Variants in ROBO2 observed in about 807,000 individuals in gnomAD.
ROBO2 encodes roundabout guidance receptor 2, also known as roundabout homolog 2.
ROBO2 carries 53 observed loss-of-function variants against 160.8 expected under a neutral mutation model. That is an observed-to-expected ratio of 0.33 (90% CI 0.26 to 0.41). The LOEUF (loss-of-function observed/expected upper bound fraction) is 0.41, where lower values mean the gene tolerates loss of function less well. ROBO2 is among the 10% of genes least tolerant of loss of function. ROBO2 has a pLI of 1.00. For missense variants in ROBO2, 1,577 were observed against 1,722.4 expected (o/e 0.92, Z 1.49); for synonymous variants, 664 against 611.7 (o/e 1.09, Z -1.26).
intron 2 of ROBO2, among the ~76,000 whole-genome samples, chr3:76,252,142 A>G (rs143820155): frequency 2.8e-4 from 42 of 152,128 alleles, no homozygotes; most frequent in African/African-American, 9.9e-4. Flanking sequence ...TTTAATACCA[A>G]ATTTAATCAC....
intron 2 of ROBO2, among the ~76,000 whole-genome samples, chr3:75,950,659 T>G (rs1361014684): frequency 6.6e-6 from 1 of 152,016 alleles, no homozygotes; most frequent in Non-Finnish European, 1.5e-5. Context: ...AACAAATTGA[T>G]TCCAGTTGGG....
At chr3:76,423,269 T>G (rs1241821079) in intron 2 of ROBO2, among the ~76,000 whole-genome samples, 1 of 152,154 alleles carries the variant, frequency 6.6e-6, no homozygotes, top group African/African-American at 2.4e-5. Flanking sequence ...TGAGAAGCGC[T>G]CCATAACTAG....
chr3:77,431,241 C>T (rs973056273), intron 2 of ROBO2, among the ~76,000 whole-genome samples: 4 of 152,062 alleles, frequency 2.6e-5, no homozygotes, highest in Admixed American at 6.5e-5. Context: ...ATCCTCAAAA[C>T]AATCAATGGG....
chr3:76,473,741 AC>A (rs1351135993), intron 2 of ROBO2, among the ~76,000 whole-genome samples: 2 of 152,186 alleles, frequency 1.3e-5, no homozygotes, highest in Non-Finnish European at 1.5e-5. Flanking sequence ...ACAACAAGCA[AC>A]ACAGGTAAAA....
intron 6 of ROBO2, among the ~76,000 whole-genome samples, chr3:77,543,619 G>A (rs2092575835): frequency 6.6e-6 from 1 of 152,160 alleles, no homozygotes; most frequent in South Asian, 2.1e-4. Context: ...TTTAGTGATA[G>A]AGATTTGTAA....
chr3:76,511,584 C>T (rs978079646), intron 2 of ROBO2, among the ~76,000 whole-genome samples: 13 of 152,106 alleles, frequency 8.5e-5, no homozygotes, highest in East Asian at 3.9e-4. Context: ...TACTAGCCTC[C>T]GTGAACAGAG....
chr3:76,359,062 T>G (rs569036358), intron 2 of ROBO2, among the ~76,000 whole-genome samples: 7 of 151,738 alleles, frequency 4.6e-5, no homozygotes, highest in African/African-American at 1.4e-4. Context: ...TGAGAATGAT[T>G]ATTTCCAATT....
At chr3:77,110,992 C>T (rs2073505829) in intron 2 of ROBO2, among the ~76,000 whole-genome samples, 2 of 152,078 alleles carry the variant, frequency 1.3e-5, no homozygotes, top group South Asian at 4.1e-4. Context: ...TTGGGCCTGA[C>T]TTAAAACTAT....
chr3:77,086,723 A>T (rs1478769983), intron 1 of ROBO2, among the ~76,000 whole-genome samples: 1 of 152,146 alleles, frequency 6.6e-6, no homozygotes, highest in Non-Finnish European at 1.5e-5. Flanking sequence ...CATCCCTTGG[A>T]CATGATGCAA....
In ROBO2 at chr3:77,506,777, A is replaced by AT. The variant is rs570712457; in HGVS notation, c.806+13401dup. ...CAAGTAGTTATTTTATGTAATTTTT[A>AT]TTTTTTGTTTTTAATGTTAGGGCAA... is the stretch of plus-strand genomic sequence containing the variant. On this transcript the variant is annotated intron_variant, in intron 5 of 25. Coordinates refer to ENST00000461745, the Ensembl canonical transcript of ROBO2. Among the ~76,000 whole-genome samples, 17 of 152,218 alleles carry AT rather than the reference A, an allele frequency of 1.1e-4. No individual in the cohort carries two copies. The South Asian group carries it at 3.3e-3, about 30-fold the overall frequency.
intron 2 of ROBO2, among the ~76,000 whole-genome samples, chr3:76,204,869 A>G (rs569483971): frequency 6.6e-6 from 1 of 152,332 alleles, no homozygotes; most frequent in African/African-American, 2.4e-5. Context: ...ATTTTATTAA[A>G]GATTTGTTTT....
At chr3:77,449,889 C>T (rs2080947213) in intron 2 of ROBO2, among the ~76,000 whole-genome samples, 1 of 152,094 alleles carries the variant, frequency 6.6e-6, no homozygotes, top group Non-Finnish European at 1.5e-5. Flanking sequence ...CACAGACCTT[C>T]TTGCGATGCA....
chr3:77,045,598 A>G (rs2064569463), intron 1 of ROBO2, among the ~76,000 whole-genome samples: 1 of 152,212 alleles, frequency 6.6e-6, no homozygotes. Flanking sequence ...TTCCCATCAC[A>G]GTAAATGGCT....
chr3:76,318,775 G>C (rs1454171726), intron 2 of ROBO2, among the ~76,000 whole-genome samples: 1 of 151,958 alleles, frequency 6.6e-6, no homozygotes, highest in Non-Finnish European at 1.5e-5. Context: ...TTCAAAGTTA[G>C]TTGAATGTTA....
At chr3:76,965,912 G>A (rs1445969917) in intron 2 of ROBO2, among the ~76,000 whole-genome samples, 6 of 143,676 alleles carry the variant, frequency 4.2e-5, no homozygotes, top group Non-Finnish European at 9.0e-5. Flanking sequence ...TTTTAGCTAG[G>A]CATATTTTCT....
exon 26 of ROBO2, chr3:77,648,964 C>T (rs2095431067): frequency 6.6e-6 from 1 of 152,202 alleles, no homozygotes; most frequent in African/African-American, 2.4e-5. Flanking sequence ...ACAAGCACAG[C>T]TTCATTCATA....
intron 2 of ROBO2, among the ~76,000 whole-genome samples, chr3:76,605,324 C>T (rs764820261): frequency 4.6e-5 from 7 of 151,880 alleles, no homozygotes; most frequent in Non-Finnish European, 1.0e-4. Context: ...GCACAACTCT[C>T]AAATCAAAGT....
At position 76,149,708 on chromosome 3, in the gene ROBO2, C is replaced by T. The variant is rs1398049095; in HGVS notation, c.109+212106C>T. On this transcript the variant is annotated intron_variant, in intron 2 of 26. Transcript: ENST00000487694. ...GTCTAAAACACACATCTGTTTAAAG[C>T]ACAATCTGTCTAAAACACACATCTG... 1.6e-5 allele frequency among the ~76,000 whole-genome samples: 2 copies of T among 124,910 alleles called. 1 individual carries two copies. Among genetic ancestry groups the T allele is most frequent in the African/African-American group, 5.4e-5 (2 of 36,956 alleles). 81.9% of individuals were successfully genotyped at this position (124,910 alleles called of 152,430 possible).
In ROBO2 at chr3:77,605,768, G is replaced by T. The variant is rs1189579276; in HGVS notation, c.3137-2030G>T. The stretch of plus-strand genomic sequence containing the variant: ...GTAACACTCAGAATGAACCTCAGTT[G>T]CTTCATCTATAAAATGGAGATGCAA... On this transcript the variant is annotated intron_variant, in intron 20 of 25. Coordinates refer to ENST00000461745, the Ensembl canonical transcript of ROBO2. 2.0e-5 allele frequency among the ~76,000 whole-genome samples: 3 copies of T among 152,134 alleles called. No homozygotes were observed. The East Asian group carries it at 5.8e-4, about 29-fold the overall frequency.
Sources: allele counts gnomAD v4.1 joint callset (sites outside exome capture counted in the v4.1 genomes callset), GRCh38; gene constraint gnomAD v4.1.1; transcripts MANE v1.5; gene names NCBI Gene and HGNC (gene_info 2026-07-23, HGNC 2026-07-21).